Variants in XKR4 observed in about 807,000 individuals in gnomAD.
XKR4 encodes XK related 4, also known as XK-related protein 4.
XKR4 carries 12 observed loss-of-function variants against 53.9 expected under a neutral mutation model. The ratio of observed to expected loss-of-function variants is 0.22; its 90% CI spans 0.14 to 0.36. The LOEUF (loss-of-function observed/expected upper bound fraction) is 0.36. Among genes scored for constraint, XKR4 ranks in the 10% least tolerant of loss-of-function variants. The pLI is 1.00. For synonymous variants in XKR4, 354 were observed against 362.4 expected, an observed-to-expected ratio of 0.98 and a Z score of 0.26; for missense variants, 799 against 859.5, an observed-to-expected ratio of 0.93 and a Z score of 0.88.
chr8:55,233,540 G>T (rs1818075537), intron 1 of XKR4, among the ~76,000 whole-genome samples: 2 of 152,228 alleles, frequency 1.3e-5, no homozygotes, highest in African/African-American at 4.8e-5. Context: ...AAAGGTGTGG[G>T]CATGCCAGGC....
At chr8:55,476,675 A>T (rs1248432471) in intron 2 of XKR4, among the ~76,000 whole-genome samples, 2 of 152,032 alleles carry the variant, frequency 1.3e-5, no homozygotes, top group African/African-American at 4.8e-5. Flanking sequence ...CACCTGGAAA[A>T]TCAGGTCACT....
chr8:55,218,779 T>C lies in XKR4; in HGVS notation c.806+115485T>C, dbSNP rs925071897. Reference sequence around the variant, plus strand: ...ATTTGAACAAACAGTAGATAATGATTCTACAGTTTTGGAGATGTTGTTACA... The same window carrying C: ...ATTTGAACAAACAGTAGATAATGATCCTACAGTTTTGGAGATGTTGTTACA... On this transcript the variant is annotated intron_variant, in intron 1 of 2. Coordinates refer to ENST00000327381, the MANE Select transcript of XKR4 (RefSeq NM_052898.2). Among the ~76,000 whole-genome samples, 9 of 152,220 alleles carry C rather than the reference T, an allele frequency of 5.9e-5. 1 individual carries two copies. The highest frequency in any genetic ancestry group is 5.9e-4 in the Admixed American group (9 of 15,282).
chr8:55,263,202 A>G (rs1818552526), intron 1 of XKR4, among the ~76,000 whole-genome samples: 2 of 152,322 alleles, frequency 1.3e-5, no homozygotes, highest in South Asian at 4.1e-4. Flanking sequence ...TTCCTGCTTT[A>G]AACCTTTCTA....
intron 2 of XKR4, among the ~76,000 whole-genome samples, chr8:55,464,061 G>A (rs527771218): frequency 1.3e-5 from 2 of 152,260 alleles, no homozygotes; most frequent in African/African-American, 4.8e-5. Context: ...TGAGAAGATG[G>A]TACCATTCCT....
intron 1 of XKR4, among the ~76,000 whole-genome samples, chr8:55,221,251 C>T (rs16921425): frequency 0.022 from 3,373 of 152,248 alleles, 140 homozygotes; most frequent in African/African-American, 0.076. Context: ...TAAGATAAGC[C>T]GACAATGTGT....
At chr8:55,367,600 T>A (rs143664373) in intron 2 of XKR4, among the ~76,000 whole-genome samples, 1 of 152,328 alleles carries the variant, frequency 6.6e-6, no homozygotes, top group East Asian at 1.9e-4. Flanking sequence ...ACCAGCAGTG[T>A]GTGTCTTGAG....
intron 2 of XKR4, among the ~76,000 whole-genome samples, chr8:55,428,288 T>A (rs1005661339): frequency 6.6e-6 from 1 of 152,184 alleles, no homozygotes; most frequent in African/African-American, 2.4e-5. Flanking sequence ...CTGAGTTTTC[T>A]TTTTGCCTCA....
At chr8:55,103,889 A>C (rs900403063) in intron 1 of XKR4, among the ~76,000 whole-genome samples, 1 of 126,426 alleles carries the variant, frequency 7.9e-6, no homozygotes, top group Non-Finnish European at 1.7e-5. Context: ...ATATATATAT[A>C]TATATCCCCG....
chr8:55,280,532 T>G (rs1269525233), intron 1 of XKR4, among the ~76,000 whole-genome samples: 1 of 152,188 alleles, frequency 6.6e-6, no homozygotes, highest in Non-Finnish European at 1.5e-5. Context: ...TCCATGATGA[T>G]GAGACCATAT....
chr8:55,248,799 G>T (rs1818326879), intron 1 of XKR4, among the ~76,000 whole-genome samples: 1 of 151,534 alleles, frequency 6.6e-6, no homozygotes, highest in Non-Finnish European at 1.5e-5. Flanking sequence ...GGGGTCTCCT[G>T]CCTGCAGGCT....
intron 2 of XKR4, among the ~76,000 whole-genome samples, chr8:55,418,097 G>A (rs1804875612): frequency 6.6e-6 from 1 of 152,172 alleles, no homozygotes; most frequent in South Asian, 2.1e-4. Context: ...TTGCTACAGA[G>A]GCCTCAGCCC....
At chr8:55,136,530 C>T (rs564808152) in intron 1 of XKR4, among the ~76,000 whole-genome samples, 18 of 152,254 alleles carry the variant, frequency 1.2e-4, no homozygotes, top group East Asian at 5.8e-4. Context: ...ATAATATCAA[C>T]GCTCCACGAA....
At chr8:55,237,677 A>G (rs919798603) in intron 1 of XKR4, among the ~76,000 whole-genome samples, 1 of 152,246 alleles carries the variant, frequency 6.6e-6, no homozygotes, top group Non-Finnish European at 1.5e-5. Context: ...TCTAATGTAT[A>G]GTAGAAGAAC....
intron 2 of XKR4, among the ~76,000 whole-genome samples, chr8:55,406,479 A>T (rs1224331255): frequency 6.6e-6 from 1 of 152,144 alleles, no homozygotes; most frequent in South Asian, 2.1e-4. Flanking sequence ...AATCCCACAG[A>T]TCATATACAT....
chr8:55,151,380 T>G (rs1351076369), intron 1 of XKR4, among the ~76,000 whole-genome samples: 1 of 152,218 alleles, frequency 6.6e-6, no homozygotes, highest in East Asian at 1.9e-4. Context: ...CAACTTCATC[T>G]GAAGCATAAG....
intron 2 of XKR4, chr8:55,454,295 G>T: frequency 7.0e-7 from 1 of 1,430,332 alleles, no homozygotes; most frequent in Non-Finnish European, 9.8e-7. Flanking sequence ...TGCCTGGAAG[G>T]CCGCATTGAC....
At chr8:55,252,143 A>G (rs551882572) in intron 1 of XKR4, among the ~76,000 whole-genome samples, 1 of 152,358 alleles carries the variant, frequency 6.6e-6, no homozygotes, top group Non-Finnish European at 1.5e-5. Flanking sequence ...CATTTGTAGA[A>G]AACTTCTCTA....
At chr8:55,325,662 A>C (rs1803281361) in intron 1 of XKR4, among the ~76,000 whole-genome samples, 1 of 152,140 alleles carries the variant, frequency 6.6e-6, no homozygotes, top group African/African-American at 2.4e-5. Context: ...TTTCTTTCCT[A>C]AATAATTTTA....
intron 1 of XKR4, among the ~76,000 whole-genome samples, chr8:55,289,785 G>C (rs1318767064): frequency 7.0e-6 from 1 of 143,880 alleles, no homozygotes; most frequent in African/African-American, 2.6e-5. Flanking sequence ...AAGAGAGGGA[G>C]GGGGAGAGAG....
Sources: gnomAD v4.1 joint callset for allele counts (sites outside exome capture counted in the v4.1 genomes callset) on GRCh38, gnomAD v4.1.1 for gene constraint, MANE v1.5 for transcripts, NCBI Gene and HGNC (gene_info 2026-07-23, HGNC 2026-07-21) for gene names.